The following CCDC61 variants were observed in gnomAD, a reference collection of about 807,000 sequenced individuals.
CCDC61 encodes the protein coiled-coil domain containing 61.
A neutral mutation model predicts 63.0 loss-of-function variants in CCDC61; 55 were observed. The ratio of observed to expected loss-of-function variants is 0.87; its 90% CI spans 0.70 to 1.09. The LOEUF is 1.09. Among genes scored for constraint, CCDC61 ranks in the 50% least tolerant of loss-of-function variants. CCDC61 has a pLI of 0.00. For synonymous variants in CCDC61, 270 were observed against 317.0 expected (o/e 0.85, Z 1.58); for missense variants, 651 against 731.4 (o/e 0.89, Z 1.27).
Position 46,016,884 on chromosome 19 carries a change from C to T in CCDC61, c.1231+51C>T. On this transcript the variant is annotated intron_variant, in intron 10 of 13. Coordinates refer to ENST00000595358, the MANE Select transcript of CCDC61 (RefSeq NM_001267723.2). The surrounding 1 kb of genome is among the most constrained non-coding windows in gnomAD (Gnocchi z 7.2). Reference sequence around the variant, plus strand: ...CCGGGCTAGGCGGGACTGGGCGGGGCTGGGCGGGCTGGGAGGCACTGGGCA... The same window carrying T: ...CCGGGCTAGGCGGGACTGGGCGGGGTTGGGCGGGCTGGGAGGCACTGGGCA... 1 of 406,950 alleles carries T rather than the reference C, an allele frequency of 2.5e-6. No individual in the cohort carries two copies. Among genetic ancestry groups the T allele is most frequent in the Non-Finnish European group, 4.5e-6 (1 of 222,462 alleles). 25.2% of individuals were successfully genotyped at this position (406,950 alleles called of 1,614,324 possible). A position where few individuals can be genotyped will look rare whatever the true frequency, so the allele number is the denominator to read the frequency against.
Position 46,003,286 on chromosome 19 carries a change from G to T in CCDC61, c.148+120G>T, listed in dbSNP as rs1002632156. 10 of 1,431,758 alleles carry T rather than the reference G, an allele frequency of 7.0e-6. No homozygotes were observed. In the African/African-American group the frequency reaches 1.3e-4, roughly 18 times the overall value. 88.7% of individuals were successfully genotyped at this position (1,431,758 alleles called of 1,614,324 possible). A position where few individuals can be genotyped will look rare whatever the true frequency, so the allele number is the denominator to read the frequency against. ...CTTCTTTGTCACCAGAAACTCTCCA[G>T]TGTGGGGAGGGGTGTAGGTCTTGTT... is the stretch of plus-strand genomic sequence containing the variant. On this transcript the variant is annotated intron_variant, in intron 2 of 13. Transcript: ENST00000595358.
At chr19:46,006,512 T>C in intron 3 of CCDC61, 47 bp from the exon 4 acceptor site, 1 of 1,475,702 alleles carries the variant, frequency 6.8e-7, no homozygotes, top group South Asian at 1.3e-5. Context: ...GCCCTCCGTG[T>C]GGCAGTGGCG....
At chr19:46,014,658 T>C (rs1968888690) in intron 5 of CCDC61, among the ~76,000 whole-genome samples, 1 of 152,216 alleles carries the variant, frequency 6.6e-6, no homozygotes, top group African/African-American at 2.4e-5. Context: ...ATTTCGTGAC[T>C]GGGAGACTGG....
intron 1 of CCDC61, among the ~76,000 whole-genome samples, chr19:45,997,343 C>G (rs1286842626): frequency 6.6e-6 from 1 of 152,114 alleles, no homozygotes; most frequent in African/African-American, 2.4e-5. Flanking sequence ...CTGTATGGCC[C>G]TTCACTTGGC....
intron 5 of CCDC61, among the ~76,000 whole-genome samples, chr19:46,014,357 ATTTCT>A (rs1271424106): frequency 5.9e-5 from 9 of 152,012 alleles, no homozygotes; most frequent in Admixed American, 2.0e-4. Context: ...TATAATTCTC[ATTTCT>A]TTTATGAAAA....
Position 46,016,165 on chromosome 19 carries a change from G to C in CCDC61, c.957G>C (p.Glu319Asp), listed in dbSNP as rs78197451. 4.0e-3 allele frequency: 5,160 copies of C among 1,300,998 alleles called. 174 individuals are homozygous for C. The African/African-American group carries it at 0.067, about 17-fold the overall frequency. The allele number at this position is 1,300,998 out of a possible 1,614,324, so 80.6% of individuals were successfully genotyped here. ...GRGAARSSSR[E>D]SGRGSRGRGR... ...GCGCCGCGCGCTCCTCATCCCGGGA[G>C]AGCGGCCGCGGGAGCCGGGGTCGGG... Residue 319 changes from glutamate (E) to aspartate (D), a missense_variant, in exon 8 of 14, where the codon GAG becomes GAC. Glu to Asp is a conservative substitution (Grantham distance 45, BLOSUM62 2). Transcript: ENST00000595358. The surrounding 1 kb of genome is among the most constrained non-coding windows in gnomAD (Gnocchi z 7.2).
In CCDC61 at chr19:46,015,853, G is replaced by C. The variant is rs1256692046; in HGVS notation, c.846-201G>C. ...GGCGGTGTGTTGAAAGGATGTAGGG[G>C]AATGACAGAGGGGTGTTTTAGGGGT... On this transcript the variant is annotated intron_variant, in intron 7 of 13. Transcript: ENST00000595358. The surrounding 1 kb of genome is among the most constrained non-coding windows in gnomAD (Gnocchi z 5.3). 6.6e-6 allele frequency among the ~76,000 whole-genome samples: 1 copy of C among 151,814 alleles called. No individual in the cohort carries two copies. Among genetic ancestry groups the C allele is most frequent in the Non-Finnish European group, 1.5e-5 (1 of 67,926 alleles).
intron 1 of CCDC61, among the ~76,000 whole-genome samples, chr19:46,002,253 C>T (rs1968604562): frequency 6.6e-6 from 1 of 150,750 alleles, no homozygotes; most frequent in South Asian, 2.1e-4. Flanking sequence ...CTGCTCTGAC[C>T]CCCTTTTAAA....
intron 1 of CCDC61, among the ~76,000 whole-genome samples, chr19:46,000,550 G>A (rs891943874): frequency 6.6e-6 from 1 of 151,860 alleles, no homozygotes; most frequent in Non-Finnish European, 1.5e-5. Context: ...GGAGTGGGAG[G>A]TTCTGCAGAG....
chr19:46,012,159 C>A (rs1332371062), intron 5 of CCDC61, among the ~76,000 whole-genome samples: 1 of 152,104 alleles, frequency 6.6e-6, no homozygotes, highest in Non-Finnish European at 1.5e-5. Flanking sequence ...CAGGGCAGGC[C>A]CTGACTCCTC....
At chr19:46,011,223 A>AT (rs1433342486) in intron 5 of CCDC61, among the ~76,000 whole-genome samples, 3 of 151,176 alleles carry the variant, frequency 2.0e-5, no homozygotes, top group East Asian at 3.9e-4. Context: ...TAATTTTCAT[A>AT]TTTTTTTATA....
At chr19:46,002,669 A>T (rs1424079558) in intron 1 of CCDC61, among the ~76,000 whole-genome samples, 4 of 151,100 alleles carry the variant, frequency 2.6e-5, no homozygotes, top group Non-Finnish European at 4.4e-5. Context: ...CTCCTGCCTC[A>T]GCCTCCCAAA....
chr19:45,997,424 C>T (rs564910017), intron 1 of CCDC61, among the ~76,000 whole-genome samples: 7 of 152,196 alleles, frequency 4.6e-5, no homozygotes, highest in East Asian at 1.9e-4. Flanking sequence ...TGGACTCTTG[C>T]GGGTCACCCA....
intron 5 of CCDC61, among the ~76,000 whole-genome samples, chr19:46,014,548 C>T (rs900405574): frequency 2.6e-5 from 4 of 152,162 alleles, no homozygotes; most frequent in Non-Finnish European, 5.9e-5. Context: ...CACTCTTTTG[C>T]TATTACAGAT....
In CCDC61 at chr19:46,011,623, G is replaced by A. The variant is rs147601570; in HGVS notation, c.551+3322G>A. Among the ~76,000 whole-genome samples the A allele has an allele frequency of 8.8e-4, 134 of 152,316 alleles. 1 individual carries two copies. Among genetic ancestry groups the A allele is most frequent in the African/African-American group, 3.0e-3 (126 of 41,556 alleles). Reference sequence around the variant, plus strand: ...TTTAATCACATGTGGGGTAGGTTTTGGCAAGATGCCTCCTTTGGTGGTGTT... The same window carrying A: ...TTTAATCACATGTGGGGTAGGTTTTAGCAAGATGCCTCCTTTGGTGGTGTT... On this transcript the variant is annotated intron_variant, in intron 5 of 13. Transcript: ENST00000595358.
At chr19:46,014,603 G>C (rs891132941) in intron 5 of CCDC61, among the ~76,000 whole-genome samples, 1 of 152,200 alleles carries the variant, frequency 6.6e-6, no homozygotes, top group Admixed American at 6.5e-5. Flanking sequence ...CTCAAGGAAG[G>C]GTTTTGAGCA....
At chr19:46,017,223 T>A in intron 11 of CCDC61, 24 bp from the exon 12 acceptor site, 2 of 1,557,398 alleles carry the variant, frequency 1.3e-6, no homozygotes. Flanking sequence ...CCACCACTGG[T>A]CCTTGGTTAC....
intron 4 of CCDC61, among the ~76,000 whole-genome samples, 166 bp downstream of exon 4, chr19:46,006,882 C>T (rs987061327): frequency 1.3e-5 from 2 of 152,172 alleles, no homozygotes; most frequent in African/African-American, 4.8e-5. Context: ...TGTTTGGCTA[C>T]AAGTAGCAGA....
chr19:46,003,223 C>T (rs1968627176), intron 2 of CCDC61, 57 bp downstream of exon 2: 3 of 1,540,132 alleles, frequency 1.9e-6, no homozygotes, highest in Middle Eastern at 2.0e-4. Flanking sequence ...CAGCTTCTCC[C>T]AGAATATCAG....
Sources: allele counts gnomAD v4.1 joint callset (sites outside exome capture counted in the v4.1 genomes callset), GRCh38; gene constraint gnomAD v4.1.1; non-coding constraint Gnocchi (gnomAD v3.1); transcripts MANE v1.5; gene names NCBI Gene and HGNC (gene_info 2026-07-23, HGNC 2026-07-21).